The following NACC2 variants were observed in gnomAD, a reference collection of about 807,000 sequenced individuals.
The protein encoded by NACC2 is NACC family member 2, also known as nucleus accumbens-associated protein 2.
In NACC2, 8 loss-of-function variants were observed where a neutral mutation model predicts 25.1. The ratio of observed to expected loss-of-function variants is 0.32; its 90% CI spans 0.19 to 0.57. The LOEUF (loss-of-function observed/expected upper bound fraction) is 0.57. NACC2 is among the 20% of genes least tolerant of loss of function. The pLI, the probability that NACC2 is intolerant of heterozygous loss-of-function variation, is 0.89. For synonymous variants in NACC2, 435 were observed against 294.7 expected, an observed-to-expected ratio of 1.48 and a Z score of -4.88; for missense variants, 644 against 650.2, an observed-to-expected ratio of 0.99 and a Z score of 0.10.
intron 2 of NACC2, among the ~76,000 whole-genome samples, chr9:136,042,820 G>A (rs1310034035): frequency 2.2e-5 from 3 of 138,382 alleles, no homozygotes; most frequent in Non-Finnish European, 4.6e-5. Flanking sequence ...TCCTGGATAG[G>A]CAGGAATTCA....
chr9:136,011,596 C>T lies in NACC2; in HGVS notation c.1684G>A (p.Gly562Ser). 3 of 1,429,698 alleles carry T rather than the reference C, an allele frequency of 2.1e-6. No homozygotes were observed. The highest frequency in any genetic ancestry group is 2.7e-6 in the Non-Finnish European group (3 of 1,100,008). The allele number at this position is 1,429,698 out of a possible 1,614,324, so 88.6% of individuals were successfully genotyped here. ...TGGGGCCTGCTGGGGCCGCCCCCGC[C>T]CTGCTCAAAGGGCTGTGGGGGGCTC... Reference protein sequence around the residue: ...GQSPPQPFEQGGGGPSRPQTP... With the variant: ...GQSPPQPFEQSGGGPSRPQTP... Residue 562 changes from glycine (G) to serine (S), a missense_variant, in exon 6 of 6, where the codon GGC becomes AGC. By Grantham distance (56) the Gly-to-Ser change is moderately conservative (BLOSUM62 0). Coordinates refer to ENST00000277554, the MANE Select transcript of NACC2 (RefSeq NM_144653.5).
intron 1 of NACC2, among the ~76,000 whole-genome samples, chr9:136,054,626 G>A (rs914457511): frequency 3.9e-5 from 6 of 152,146 alleles, no homozygotes; most frequent in African/African-American, 1.4e-4. Context: ...CTGCTCAGGA[G>A]GGCAGGGGCC....
At chr9:136,076,769 G>A (rs1437969363) in intron 1 of NACC2, among the ~76,000 whole-genome samples, 1 of 152,186 alleles carries the variant, frequency 6.6e-6, no homozygotes, top group Non-Finnish European at 1.5e-5. Flanking sequence ...AGCACTTTGG[G>A]AGGCTGAGGT....
chr9:136,020,731 T>C lies in NACC2; in HGVS notation c.887-4302A>G, dbSNP rs1840279849. 6.6e-6 allele frequency among the ~76,000 whole-genome samples: 1 copy of C among 152,140 alleles called. No individual in the cohort carries two copies. On this transcript the variant is annotated intron_variant, in intron 2 of 5. Transcript: ENST00000277554. This position sits in a 1 kb window ranked among gnomAD's most constrained non-coding sequence, Gnocchi z 4.7. The stretch of plus-strand genomic sequence containing the variant: ...TACAGCTACAGTCATGAAGCCTGCA[T>C]GGTTCAGGGAAGTGGACAGACAGGT...
chr9:136,079,203 C>G (rs1830296226), intron 1 of NACC2, among the ~76,000 whole-genome samples: 1 of 152,182 alleles, frequency 6.6e-6, no homozygotes, highest in African/African-American at 2.4e-5. Flanking sequence ...CTGCAAGGTG[C>G]AGACATCCTC....
chr9:136,073,252 ACT>A (rs1830220106), intron 1 of NACC2, among the ~76,000 whole-genome samples: 3 of 151,776 alleles, frequency 2.0e-5, no homozygotes, highest in Non-Finnish European at 4.4e-5. Context: ...ACATAGGGAG[ACT>A]CTGTCTGTAC....
intron 2 of NACC2, among the ~76,000 whole-genome samples, chr9:136,030,978 G>C (rs999838015): frequency 3.3e-5 from 5 of 152,068 alleles, no homozygotes; most frequent in African/African-American, 1.2e-4. Flanking sequence ...CTCAACTTTA[G>C]ACGGAGCCGA....
At chr9:136,073,785 G>A (rs1434141471) in intron 1 of NACC2, among the ~76,000 whole-genome samples, 3 of 152,172 alleles carry the variant, frequency 2.0e-5, no homozygotes, top group African/African-American at 7.2e-5. Flanking sequence ...TTTTAAAGGT[G>A]CTTATGCATC....
chr9:136,065,972 T>TA (rs1330925509), intron 1 of NACC2, among the ~76,000 whole-genome samples: 1 of 152,108 alleles, frequency 6.6e-6, no homozygotes, highest in Non-Finnish European at 1.5e-5. Context: ...GGCAGGTGGA[T>TA]AACCTGAGGT....
At chr9:136,012,799 G>A (rs1170779211) in intron 5 of NACC2, among the ~76,000 whole-genome samples, 2 of 152,222 alleles carry the variant, frequency 1.3e-5, no homozygotes, top group Admixed American at 6.5e-5. Flanking sequence ...CGGGCCGGGG[G>A]CGGCGGTCTG....
At chr9:136,085,636 G>A (rs1830371762) in intron 1 of NACC2, among the ~76,000 whole-genome samples, 1 of 152,212 alleles carries the variant, frequency 6.6e-6, no homozygotes, top group African/African-American at 2.4e-5. Flanking sequence ...GTACAGGCGG[G>A]TGGCGGGCAG....
rs1486972143 is a variant in NACC2 at position 136,018,689 on chromosome 9, G to A, written c.887-2260C>T. 1.3e-5 allele frequency among the ~76,000 whole-genome samples: 2 copies of A among 152,030 alleles called. No homozygotes were observed. The highest frequency in any genetic ancestry group is 2.9e-5 in the Non-Finnish European group (2 of 67,994). On this transcript the variant is annotated intron_variant, in intron 2 of 5. Transcript: ENST00000277554. This position sits in a 1 kb window ranked among gnomAD's most constrained non-coding sequence, Gnocchi z 4.4. ...GCACAGCCCCTGCCCGGCCACTACA[G>A]GGGTCAGGCAGCATTTCCCGGTGGG...
chr9:136,025,819 G>C (rs1475146607), intron 2 of NACC2, among the ~76,000 whole-genome samples: 1 of 152,114 alleles, frequency 6.6e-6, no homozygotes, highest in Non-Finnish European at 1.5e-5. Context: ...GGAAGTGGAG[G>C]CAGGAGAATC....
At chr9:136,033,438 G>A (rs1310497874) in intron 2 of NACC2, among the ~76,000 whole-genome samples, 1 of 152,034 alleles carries the variant, frequency 6.6e-6, no homozygotes, top group African/African-American at 2.4e-5. Flanking sequence ...GAGGTCAGGA[G>A]TTCAAGACCA....
At chr9:136,072,660 T>C (rs1253659254) in intron 1 of NACC2, among the ~76,000 whole-genome samples, 2 of 152,182 alleles carry the variant, frequency 1.3e-5, no homozygotes, top group Non-Finnish European at 2.9e-5. Flanking sequence ...AAGACCAGCC[T>C]GACCAACATG....
Position 136,008,708 on chromosome 9 carries a change from G to C in NACC2, c.*2808C>G, listed in dbSNP as rs1171492695. ...ACTCTGGAAGGCCCCTCTGAGCCCG[G>C]GCCGCCGCCCCCGCCCCACGGTACA... On this transcript the variant is annotated 3_prime_UTR_variant, in exon 6 of 6. Coordinates refer to ENST00000277554, the MANE Select transcript of NACC2 (RefSeq NM_144653.5). 1.3e-5 allele frequency: 2 copies of C among 152,334 alleles called. No individual in the cohort carries two copies. The highest frequency in any genetic ancestry group is 4.8e-5 in the African/African-American group (2 of 41,454). 9.4% of individuals were successfully genotyped at this position (152,334 alleles called of 1,614,324 possible).
chr9:136,047,262 G>A (rs1840744295), intron 2 of NACC2, among the ~76,000 whole-genome samples: 1 of 151,990 alleles, frequency 6.6e-6, no homozygotes, highest in Non-Finnish European at 1.5e-5. Flanking sequence ...TCCAGGTCAG[G>A]CGACGGCCCC....
intron 2 of NACC2, among the ~76,000 whole-genome samples, chr9:136,027,978 G>A (rs973989233): frequency 1.3e-5 from 2 of 152,036 alleles, no homozygotes; most frequent in South Asian, 2.1e-4. Context: ...AATTAACATC[G>A]GCCTGGCACA....
intron 1 of NACC2, among the ~76,000 whole-genome samples, chr9:136,079,030 G>A (rs1486202625): frequency 2.6e-5 from 4 of 151,234 alleles, no homozygotes; most frequent in African/African-American, 9.7e-5. Flanking sequence ...AGGTAAATAT[G>A]TTAATTTGAC....
Sources: allele counts gnomAD v4.1 joint callset (sites outside exome capture counted in the v4.1 genomes callset), GRCh38; gene constraint gnomAD v4.1.1; non-coding constraint Gnocchi (gnomAD v3.1); transcripts MANE v1.5; gene names NCBI Gene and HGNC (gene_info 2026-07-23, HGNC 2026-07-21).